The following SNTB1 variants were observed in gnomAD, a reference collection of about 807,000 sequenced individuals.
The protein encoded by SNTB1 is beta-1-syntrophin.
Under a neutral mutation model 48.9 loss-of-function variants are expected in SNTB1, and 36 were observed. The observed-to-expected ratio is 0.74, with a 90% confidence interval of 0.56 to 0.97. The LOEUF is 0.97. SNTB1 is among the 50% of genes least tolerant of loss of function. The pLI, the probability that SNTB1 is intolerant of heterozygous loss-of-function variation, is 0.00. For synonymous variants in SNTB1, 299 were observed against 294.6 expected (o/e 1.01, Z -0.15); for missense variants, 786 against 703.4 (o/e 1.12, Z -1.33).
At chr8:120,716,645 G>A (rs1167761404) in intron 1 of SNTB1, among the ~76,000 whole-genome samples, 2 of 152,164 alleles carry the variant, frequency 1.3e-5, no homozygotes, top group Non-Finnish European at 2.9e-5. Context: ...TACAAGCAGT[G>A]AGTTCCCTCT....
intron 3 of SNTB1, among the ~76,000 whole-genome samples, chr8:120,593,321 G>A (rs770785006): frequency 1.3e-5 from 2 of 152,214 alleles, no homozygotes; most frequent in Non-Finnish European, 1.5e-5. Context: ...TCCAGTGGCA[G>A]CCTCGCATGC....
intron 3 of SNTB1, among the ~76,000 whole-genome samples, chr8:120,614,309 A>G (rs955633038): frequency 6.6e-6 from 1 of 152,200 alleles, no homozygotes; most frequent in Non-Finnish European, 1.5e-5. Context: ...ATCAATTTTC[A>G]TGACTCCTTA....
intron 1 of SNTB1, among the ~76,000 whole-genome samples, chr8:120,700,282 GC>G (rs1563855337): frequency 1.3e-5 from 2 of 152,090 alleles, no homozygotes; most frequent in Non-Finnish European, 2.9e-5. Context: ...GATTTTGTAA[GC>G]TTGAACTATT....
intron 4 of SNTB1, among the ~76,000 whole-genome samples, chr8:120,558,329 C>T (rs1458397593): frequency 6.6e-6 from 1 of 152,070 alleles, no homozygotes; most frequent in East Asian, 1.9e-4. Context: ...ACTTTCTTAC[C>T]CAGCCAGAAG....
chr8:120,745,994 A>G lies in SNTB1; in HGVS notation c.572-52086T>C, dbSNP rs570930023. Among the ~76,000 whole-genome samples, 4 of 152,310 alleles carry G rather than the reference A, an allele frequency of 2.6e-5. No homozygotes were observed. In the South Asian group the frequency reaches 8.3e-4, roughly 32 times the overall value. ...CACCCCAGCTCTGTGGGTCCAATCCACCTGTGTTTGTAAATAAAGTTTTAT... is the reference window on the plus strand; with the variant it reads ...CACCCCAGCTCTGTGGGTCCAATCCGCCTGTGTTTGTAAATAAAGTTTTAT... On this transcript the variant is annotated intron_variant, in intron 1 of 6. Coordinates refer to ENST00000517992, the MANE Select transcript of SNTB1 (RefSeq NM_021021.4).
intron 5 of SNTB1, among the ~76,000 whole-genome samples, chr8:120,542,949 C>T (rs769252519): frequency 2.0e-5 from 3 of 152,056 alleles, no homozygotes; most frequent in African/African-American, 4.8e-5. Flanking sequence ...GCTGACAGAC[C>T]TCAGATGTGG....
At position 120,681,234 on chromosome 8, in the gene SNTB1, G is replaced by A. The variant is rs756917138; in HGVS notation, c.788+12458C>T. The stretch of plus-strand genomic sequence containing the variant: ...TGCAAATTATGCAAGGATTCTCTTC[G>A]GGAAAAACGGTGGTTTGGCTATTCA... On this transcript the variant is annotated intron_variant, in intron 2 of 6. Transcript: ENST00000517992. Among the ~76,000 whole-genome samples, 35 of 152,074 alleles carry A rather than the reference G, an allele frequency of 2.3e-4. 1 individual carries two copies. Among genetic ancestry groups the A allele is most frequent in the Non-Finnish European group, 2.2e-4 (15 of 68,022 alleles).
chr8:120,739,412 A>C (rs1362918021), intron 1 of SNTB1, among the ~76,000 whole-genome samples: 2 of 152,258 alleles, frequency 1.3e-5, no homozygotes, highest in Non-Finnish European at 2.9e-5. Flanking sequence ...AATGGCATTC[A>C]GTCCTTTTCA....
In SNTB1 at chr8:120,811,481, G is replaced by T; in HGVS notation, c.363C>A (p.Gly121=). ...CCCCCTTGATGCTGATCCCCAGCCCGCCCAGCTCCTGCTTCAGCACCTTCA... is the reference window on the plus strand; with the variant it reads ...CCCCCTTGATGCTGATCCCCAGCCCTCCCAGCTCCTGCTTCAGCACCTTCA... The part of the protein sequence containing the change: ...RGVKVLKQEL[G]GLGISIKGGK... Residue 121 remains glycine (G), a synonymous_variant, in exon 1 of 7, where the codon GGC becomes GGA. Coordinates refer to ENST00000517992, the MANE Select transcript of SNTB1 (RefSeq NM_021021.4). 1 of 1,613,934 alleles carries T rather than the reference G, an allele frequency of 6.2e-7. No individual in the cohort carries two copies. The highest frequency in any genetic ancestry group is 1.1e-5 in the South Asian group (1 of 91,082).
Position 120,548,864 on chromosome 8 carries a change from G to T in SNTB1, c.1231C>A (p.His411Asn). ...CTGCTGGTCTCTGCTCTGAAGAGAT[G>T]TGTTTCAATCCCTTGCCTGGTACCA... ...RTGTRQGIET[H>N]LFRAETSRDL... The change falls in exon 5 of 7, where the codon CAT (histidine) becomes AAT (asparagine). Residue 411 changes from histidine to asparagine, a missense_variant. Physicochemically the swap from His to Asn is moderately conservative, Grantham distance 68 (BLOSUM62 1). Transcript: ENST00000517992. 6.2e-7 allele frequency: 1 copy of T among 1,613,848 alleles called. No individual in the cohort carries two copies. The highest frequency in any genetic ancestry group is 8.5e-7 in the Non-Finnish European group (1 of 1,179,796).
intron 5 of SNTB1, 99 bp downstream of exon 5, chr8:120,548,663 C>T (rs1815423708): frequency 9.7e-7 from 1 of 1,029,870 alleles, no homozygotes; most frequent in Admixed American, 2.2e-5. Flanking sequence ...TTTAACTATC[C>T]CCAGAGGCCA....
At position 120,541,995 on chromosome 8, in the gene SNTB1, T is replaced by G; in HGVS notation, c.1339A>C (p.Thr447Pro). 1 of 1,613,044 alleles carries G rather than the reference T, an allele frequency of 6.2e-7. No homozygotes were observed. Among genetic ancestry groups the G allele is most frequent in the Non-Finnish European group, 8.5e-7 (1 of 1,179,604 alleles). Residue 447 changes from threonine (T) to proline (P), a missense_variant, in exon 6 of 7, where the codon ACC (threonine) becomes CCC (proline). Coordinates refer to ENST00000517992, the MANE Select transcript of SNTB1 (RefSeq NM_021021.4). ...AAACGGCACTCCTGGTTTTTGTAGG[T>G]GCAAGCTGAGAGAGAAAGAGAGAGA... ...ELIAEISTAC[T>P]YKNQECRLTI...
intron 3 of SNTB1, among the ~76,000 whole-genome samples, chr8:120,584,076 G>C (rs188538693): frequency 1.3e-5 from 2 of 152,332 alleles, no homozygotes; most frequent in Non-Finnish European, 2.9e-5. Context: ...CACCTTGGGA[G>C]ACCGAGGTAG....
intron 1 of SNTB1, among the ~76,000 whole-genome samples, chr8:120,730,545 G>A (rs948693017): frequency 2.6e-5 from 4 of 152,090 alleles, no homozygotes; most frequent in African/African-American, 9.7e-5. Context: ...CTCAAAATGA[G>A]TTTGATTTTA....
At chr8:120,810,150 G>A (rs1414528561) in intron 1 of SNTB1, among the ~76,000 whole-genome samples, 1 of 152,182 alleles carries the variant, frequency 6.6e-6, no homozygotes, top group African/African-American at 2.4e-5. Context: ...CTAAGCTCAA[G>A]AGAGACTCAC....
At chr8:120,778,753 A>T (rs1587155959) in intron 1 of SNTB1, among the ~76,000 whole-genome samples, 1 of 152,228 alleles carries the variant, frequency 6.6e-6, no homozygotes, top group African/African-American at 2.4e-5. Context: ...GACATATATT[A>T]ACTGCTACAA....
intron 4 of SNTB1, among the ~76,000 whole-genome samples, chr8:120,552,798 A>G (rs1044919051): frequency 6.6e-6 from 1 of 152,112 alleles, no homozygotes; most frequent in African/African-American, 2.4e-5. Flanking sequence ...TGCTATTATT[A>G]TTACATTGTA....
rs955628785 is a variant in SNTB1, at chr8:120,811,891, G to A, written c.-48C>T. On this transcript the variant is annotated 5_prime_UTR_variant, in exon 1 of 7. Transcript: ENST00000517992. ...CATGTGATTGGAAAAGGGGGGAAAA[G>A]TGGGGAAGGGTGGCCGGGGGGAGGA... 6.9e-6 allele frequency: 9 copies of A among 1,299,546 alleles called. No homozygotes were observed. The highest frequency in any genetic ancestry group is 3.1e-5 in the African/African-American group (2 of 64,348). The allele number at this position is 1,299,546 out of a possible 1,614,324, so 80.5% of individuals were successfully genotyped here.
rs1307691284 is a variant in SNTB1, at chr8:120,626,384, G to A, written c.996+6060C>T. Among the ~76,000 whole-genome samples the A allele has an allele frequency of 2.0e-5, 3 of 152,070 alleles. No individual in the cohort carries two copies. In the East Asian group the frequency reaches 5.8e-4, roughly 29 times the overall value. ...ACTGTGAAAGCTGAAACCACACTAA[G>A]CAATCTTAATCAGTTGGAAAAATTA... On this transcript the variant is annotated intron_variant, in intron 3 of 6. Coordinates refer to ENST00000517992, the MANE Select transcript of SNTB1 (RefSeq NM_021021.4).
Sources: gnomAD v4.1 joint callset for allele counts (sites outside exome capture counted in the v4.1 genomes callset) on GRCh38, gnomAD v4.1.1 for gene constraint, MANE v1.5 for transcripts, NCBI Gene and HGNC (gene_info 2026-07-23, HGNC 2026-07-21) for gene names.